Variants in ARHGAP39 observed in about 807,000 individuals in gnomAD.
ARHGAP39 encodes the protein rho GTPase-activating protein 39.
Under a neutral mutation model 106.9 loss-of-function variants are expected in ARHGAP39, and 44 were observed. The observed-to-expected ratio is 0.41, with a 90% CI of 0.32 to 0.53. ARHGAP39 has a LOEUF of 0.53. Among genes scored for constraint, ARHGAP39 ranks in the 20% least tolerant of loss-of-function variants. ARHGAP39 has a pLI of 0.21. For missense variants in ARHGAP39, 1,496 were observed against 1,577.3 expected (o/e 0.95, Z 0.87); for synonymous variants, 768 against 693.2 (o/e 1.11, Z -1.69).
chr8:144,635,279 G>A (rs1821145862), intron 1 of ARHGAP39, among the ~76,000 whole-genome samples: 1 of 152,206 alleles, frequency 6.6e-6, no homozygotes, highest in Admixed American at 6.5e-5. Context: ...AGAGGCTGAA[G>A]GTTAAGTTGG....
At chr8:144,530,680 G>C (rs898295953) in intron 11 of ARHGAP39, 22 bp downstream of exon 11, 1 of 1,562,410 alleles carries the variant, frequency 6.4e-7, no homozygotes, top group South Asian at 1.2e-5. Flanking sequence ...AAAGCAGCGG[G>C]GACCCCCGGG....
Position 144,596,658 on chromosome 8 carries a change from A to G in ARHGAP39, c.80+8877T>C, listed in dbSNP as rs548319141. ...AGGAGTGGCCTCTTGGGCCTCCTGC[A>G]CACAGCCAGGCGCTGCTCTTTACCA... On this transcript the variant is annotated intron_variant, in intron 2 of 11. Coordinates refer to ENST00000377307, the MANE Select transcript of ARHGAP39 (RefSeq NM_025251.3). Among the ~76,000 whole-genome samples, 4 of 152,294 alleles carry G rather than the reference A, an allele frequency of 2.6e-5. No homozygotes were observed. In the East Asian group the frequency reaches 7.7e-4, roughly 29 times the overall value.
chr8:144,582,321 G>A (rs564777628), intron 2 of ARHGAP39, among the ~76,000 whole-genome samples: 2 of 152,212 alleles, frequency 1.3e-5, no homozygotes, highest in Non-Finnish European at 2.9e-5. Context: ...CCAGGGACAC[G>A]GCGGCTCTGA....
At chr8:144,583,092 G>C (rs979522528) in intron 2 of ARHGAP39, among the ~76,000 whole-genome samples, 5 of 152,084 alleles carry the variant, frequency 3.3e-5, no homozygotes, top group African/African-American at 1.2e-4. Flanking sequence ...CCCCCGCTCT[G>C]GTCCGTGCTT....
rs2130844595 is a variant in ARHGAP39, at chr8:144,547,867, T to G, written c.1219A>C (p.Ser407Arg). Residue 407 changes from serine (S) to arginine (R), a missense_variant, in exon 5 of 12, where the codon AGC becomes CGC. Transcript: ENST00000377307. The surrounding 1 kb of genome is among the most constrained non-coding windows in gnomAD (Gnocchi z 5.2). ...CGCGGGCCGGCGCGCAGCTTGGGGC[T>G]GGAGCCCGCCTGCTCCACGTAGACC... is the stretch of plus-strand genomic sequence containing the variant. ...QLVYVEQAGS[S>R]PKLRAGPRHK... 1 of 1,585,456 alleles carries G rather than the reference T, an allele frequency of 6.3e-7. No individual in the cohort carries two copies. Among genetic ancestry groups the G allele is most frequent in the African/African-American group, 1.3e-5 (1 of 74,472 alleles).
At chr8:144,685,920 G>A (rs555073343), upstream of ARHGAP39, among the ~76,000 whole-genome samples, 42 of 150,224 alleles carry the variant, frequency 2.8e-4, no homozygotes, top group African/African-American at 9.7e-4. Context: ...GTCACTACCC[G>A]CCGCCAGGGG....
At chr8:144,575,959 T>G (rs1818757005) in intron 3 of ARHGAP39, among the ~76,000 whole-genome samples, 1 of 152,158 alleles carries the variant, frequency 6.6e-6, no homozygotes, top group African/African-American at 2.4e-5. Flanking sequence ...CTGATGGAAA[T>G]GTTACGTGGC....
intron 2 of ARHGAP39, among the ~76,000 whole-genome samples, chr8:144,594,088 CAAAA>C (rs149748913): frequency 1.8e-5 from 1 of 56,882 alleles, no homozygotes; most frequent in Admixed American, 1.8e-4. Context: ...GACTCCGTCT[CAAAA>C]AAAAAAAAAA....
intron 3 of ARHGAP39, among the ~76,000 whole-genome samples, chr8:144,574,475 C>A (rs914770157): frequency 4.6e-5 from 7 of 152,084 alleles, no homozygotes; most frequent in Admixed American, 2.6e-4. Context: ...TCGAGACCAT[C>A]CTGGCTAACA....
chr8:144,571,402 T>C (rs1015350932), intron 3 of ARHGAP39, among the ~76,000 whole-genome samples: 11 of 152,094 alleles, frequency 7.2e-5, no homozygotes, highest in South Asian at 4.1e-4. Flanking sequence ...ATTATCTCAA[T>C]AGATGCAGAA....
Position 144,545,469 on chromosome 8 carries a change from G to A in ARHGAP39, c.2301C>T (p.Ala767=), listed in dbSNP as rs1817373216. Residue 767 remains alanine (A), a synonymous_variant, in exon 6 of 12, where the codon GCC becomes GCT. Coordinates refer to ENST00000377307, the MANE Select transcript of ARHGAP39 (RefSeq NM_025251.3). ...TCCAGCCCTTGGTGGCCACCTCCAG[G>A]GCCACGTGCAGTGGGTCGGCCTTGG... ...RRAKADPLHV[A]LEVATKGWSV... The A allele has an allele frequency of 1.9e-6, 3 of 1,597,396 alleles. No homozygotes were observed. The highest frequency in any genetic ancestry group is 2.6e-6 in the Non-Finnish European group (3 of 1,168,286).
At chr8:144,657,591 A>G (rs189554331) in intron 1 of ARHGAP39, among the ~76,000 whole-genome samples, 1 of 152,362 alleles carries the variant, frequency 6.6e-6, no homozygotes, top group East Asian at 1.9e-4. Flanking sequence ...ACATCCTTAA[A>G]ATTTAAAAAC....
At chr8:144,531,143 C>T (rs1043099643) in intron 10 of ARHGAP39, among the ~76,000 whole-genome samples, 2 of 152,226 alleles carry the variant, frequency 1.3e-5, no homozygotes, top group African/African-American at 2.4e-5. Context: ...GTGTAGCCAC[C>T]GTGAGGGGGT....
intron 6 of ARHGAP39, among the ~76,000 whole-genome samples, chr8:144,541,043 G>A (rs1243625974): frequency 6.6e-6 from 1 of 152,078 alleles, no homozygotes; most frequent in African/African-American, 2.4e-5. Context: ...GTAAAGATGG[G>A]GTTTCACCAT....
upstream of ARHGAP39, among the ~76,000 whole-genome samples, chr8:144,687,880 T>C (rs1479184384): frequency 8.4e-6 from 1 of 119,222 alleles, no homozygotes; most frequent in African/African-American, 3.1e-5. Flanking sequence ...TGACCACACA[T>C]TTACAGTGAA....
rs1328333708 is a variant in ARHGAP39, at chr8:144,530,387, C to T, written c.*35G>A. 1.9e-6 allele frequency: 3 copies of T among 1,554,734 alleles called. 1 individual carries two copies. The highest frequency in any genetic ancestry group is 2.6e-6 in the Non-Finnish European group (3 of 1,145,364). ...GTGCGGAGTTCGGCCTGGCTGGGGG[C>T]GGCAGGACATCCCTCCTGTCCCCGG... On this transcript the variant is annotated 3_prime_UTR_variant, in exon 12 of 12. Transcript: ENST00000377307.
At chr8:144,557,516 A>AAAGCCTGAACCTTCGTAGTATTCAGAGGC in intron 3 of ARHGAP39, among the ~76,000 whole-genome samples, 1 of 148,772 alleles carries the variant, frequency 6.7e-6, no homozygotes. Context: ...ATTCAGCGGC[A>AAAGCCTGAACCTTCGTAGTATTCAGAGGC]AAAGGCTGAA....
chr8:144,571,872 C>G (rs60322016), intron 3 of ARHGAP39, among the ~76,000 whole-genome samples: 10,444 of 152,150 alleles, frequency 0.069, 1,174 homozygotes, highest in African/African-American at 0.23. Flanking sequence ...TGAGTGAACT[C>G]CCATTCACAA....
At chr8:144,540,612 C>T (rs1253965667) in intron 6 of ARHGAP39, among the ~76,000 whole-genome samples, 5 of 152,010 alleles carry the variant, frequency 3.3e-5, no homozygotes, top group Non-Finnish European at 5.9e-5. Context: ...ATCAGCCTGG[C>T]CAACATGGTG....
Sources: allele counts gnomAD v4.1 joint callset (sites outside exome capture counted in the v4.1 genomes callset), GRCh38; gene constraint gnomAD v4.1.1; non-coding constraint Gnocchi (gnomAD v3.1); transcripts MANE v1.5; gene names NCBI Gene and HGNC (gene_info 2026-07-23, HGNC 2026-07-21).